Variants in IBTK observed in about 807,000 individuals in gnomAD.
The protein encoded by IBTK is inhibitor of Bruton tyrosine kinase.
Under a neutral mutation model 154.9 loss-of-function variants are expected in IBTK, and 83 were observed. The observed-to-expected ratio is 0.54, with a 90% CI of 0.45 to 0.64. The LOEUF is 0.64. Among genes scored for constraint, IBTK ranks in the 30% least tolerant of loss-of-function variants. The probability of loss-of-function intolerance (pLI) is 0.00; values close to 1 mark genes in which losing one functional copy is unlikely to be tolerated. For synonymous variants in IBTK, 515 were observed against 536.1 expected, an observed-to-expected ratio of 0.96 and a Z score of 0.54; for missense variants, 1,332 against 1,584.6, an observed-to-expected ratio of 0.84 and a Z score of 2.71.
intron 21 of IBTK, among the ~76,000 whole-genome samples, chr6:82,199,733 A>G (rs1419600965): frequency 6.6e-6 from 1 of 152,134 alleles, no homozygotes. Context: ...ATAAAACACA[A>G]ATTCCTTAGT....
At chr6:82,175,897 C>T (rs527434947) in intron 26 of IBTK, among the ~76,000 whole-genome samples, 2 of 151,856 alleles carry the variant, frequency 1.3e-5, no homozygotes, top group Non-Finnish European at 2.9e-5. Flanking sequence ...GGCTTGGTGG[C>T]GCATACCTGT....
Position 82,214,829 on chromosome 6 carries a change from G to C in IBTK, c.1602C>G (p.Ser534Arg). ...AGGACACAGCTGGAATTTCATAAAG[G>C]CTAGAAAGAAGACAAAAACAAATTA... ...FAILQSDPKT[S>R]LYEIPAVSSS... Residue 534 changes from serine (S) to arginine (R), a missense_variant and splice_region_variant, in exon 12 of 29, where the codon AGC (serine) becomes AGG (arginine). Ser to Arg is a moderately radical substitution (Grantham distance 110). This residue lies in a region of IBTK where 1,134 missense variants were observed against 1,274.7 expected (regional missense o/e 0.89). Transcript: ENST00000306270. 4 of 1,544,692 alleles carry C rather than the reference G, an allele frequency of 2.6e-6. No individual in the cohort carries two copies. Among genetic ancestry groups the C allele is most frequent in the Non-Finnish European group, 2.6e-6 (3 of 1,146,376 alleles).
At position 82,196,401 on chromosome 6, in the gene IBTK, T is replaced by C; in HGVS notation, c.3071A>G (p.Glu1024Gly). Residue 1024 changes from glutamate to glycine, a missense_variant, in exon 22 of 29, where the codon GAA (glutamate) becomes GGA (glycine). By Grantham distance (98) the Glu-to-Gly change is moderately conservative. This residue lies in a region of IBTK where 1,134 missense variants were observed against 1,274.7 expected (regional missense o/e 0.89). Coordinates refer to ENST00000306270, the MANE Select transcript of IBTK (RefSeq NM_015525.4). ...GKTNSVESLPELLTSDSEGSY... is the reference protein window; with the variant it reads ...GKTNSVESLPGLLTSDSEGSY... Reference sequence around the variant, plus strand: ...TCCTTCAGAGTCTGATGTCAACAGTTCTGGAAGAGATTCCACAGAATTGGT... The same window carrying C: ...TCCTTCAGAGTCTGATGTCAACAGTCCTGGAAGAGATTCCACAGAATTGGT... 1 of 1,612,638 alleles carries C rather than the reference T, an allele frequency of 6.2e-7. No homozygotes were observed. Among genetic ancestry groups the C allele is most frequent in the Non-Finnish European group, 8.5e-7 (1 of 1,179,184 alleles).
chr6:82,218,507 A>T (rs1396212228), intron 9 of IBTK, among the ~76,000 whole-genome samples: 3 of 152,238 alleles, frequency 2.0e-5, no homozygotes, highest in African/African-American at 7.2e-5. Flanking sequence ...CTATCTCTTT[A>T]CAAGAAGAAT....
intron 8 of IBTK, among the ~76,000 whole-genome samples, chr6:82,221,855 C>A (rs1770112901): frequency 6.6e-6 from 1 of 151,984 alleles, no homozygotes; most frequent in South Asian, 2.1e-4. Flanking sequence ...TAAAATATAA[C>A]CTAAAATTGA....
chr6:82,180,602 G>A (rs1176917731), intron 26 of IBTK, among the ~76,000 whole-genome samples: 1 of 152,142 alleles, frequency 6.6e-6, no homozygotes, highest in Non-Finnish European at 1.5e-5. Flanking sequence ...TATTAGACAA[G>A]TTAGGGAGAT....
At position 82,223,582 on chromosome 6, in the gene IBTK, C is replaced by G; in HGVS notation, c.982G>C (p.Ala328Pro). ...TGAAGGGCAGAGACCTGACGAGGAG[C>G]AGTTACACACTTTTCTCCATTGGGA... is the stretch of plus-strand genomic sequence containing the variant. ...LDPNGEKCVTAPRQVSALHHK... is the reference protein window; with the variant it reads ...LDPNGEKCVTPPRQVSALHHK... The change falls in exon 8 of 29, where the codon GCT (alanine) becomes CCT (proline). Residue 328 changes from alanine (A) to proline (P), a missense_variant. Around this residue, in one of 3 missense-constraint regions of IBTK, gnomAD observed 1,134 missense variants for 1,274.7 expected, o/e 0.89. Coordinates refer to ENST00000306270, the MANE Select transcript of IBTK (RefSeq NM_015525.4). 6.2e-7 allele frequency: 1 copy of G among 1,613,418 alleles called. No homozygotes were observed. Among genetic ancestry groups the G allele is most frequent in the Non-Finnish European group, 8.5e-7 (1 of 1,179,806 alleles).
Position 82,194,646 on chromosome 6 carries a change from G to T in IBTK, c.3175-4C>A. 2 of 1,556,674 alleles carry T rather than the reference G, an allele frequency of 1.3e-6. No individual in the cohort carries two copies. The highest frequency in any genetic ancestry group is 1.7e-6 in the Non-Finnish European group (2 of 1,155,806). Reference sequence around the variant, plus strand: ...TAACATACGGTTTGACTTTCGCCTGGGGAGAGAAAAAAAATAAAAAAAGTT... The same window carrying T: ...TAACATACGGTTTGACTTTCGCCTGTGGAGAGAAAAAAAATAAAAAAAGTT... On this transcript the variant is annotated splice_polypyrimidine_tract_variant and splice_region_variant and intron_variant, in intron 22 of 28. Transcript: ENST00000306270.
At chr6:82,181,326 C>T (rs188217354) in intron 26 of IBTK, among the ~76,000 whole-genome samples, 143 of 152,272 alleles carry the variant, frequency 9.4e-4, no homozygotes, top group African/African-American at 2.7e-3. Flanking sequence ...ATGTGGTATA[C>T]CCATACAATG....
intron 8 of IBTK, among the ~76,000 whole-genome samples, chr6:82,222,983 T>C (rs189015634): frequency 1.3e-5 from 2 of 152,030 alleles, no homozygotes; most frequent in Non-Finnish European, 2.9e-5. Context: ...CATTCTATAA[T>C]AACATGTTTT....
At chr6:82,203,196 T>A (rs1448383911) in intron 17 of IBTK, among the ~76,000 whole-genome samples, 1 of 152,138 alleles carries the variant, frequency 6.6e-6, no homozygotes, top group Non-Finnish European at 1.5e-5. Context: ...TATCATAATA[T>A]TCTTCACACC....
chr6:82,202,588 T>G lies in IBTK; in HGVS notation c.2669A>C (p.Gln890Pro). 6.2e-7 allele frequency: 1 copy of G among 1,611,510 alleles called. No individual in the cohort carries two copies. Reference protein sequence around the residue: ...LEFAAMYSAKQLKLSCLQFIG... With the variant: ...LEFAAMYSAKPLKLSCLQFIG... ...AAACTGTAAACAAGACAGTTTCAAC[T>G]GTTTTGCACTATACATTGCTGCAAA... Residue 890 changes from glutamine to proline, a missense_variant, in exon 18 of 29, where the codon CAG becomes CCG. By Grantham distance (76) the Gln-to-Pro change is moderately conservative. This residue lies in a region of IBTK where 1,134 missense variants were observed against 1,274.7 expected (regional missense o/e 0.89). Transcript: ENST00000306270.
intron 11 of IBTK, 28 bp from the exon 12 acceptor site, chr6:82,214,857 C>G (rs754468674): frequency 2.0e-6 from 3 of 1,517,926 alleles, no homozygotes; most frequent in Non-Finnish European, 2.6e-6. Context: ...ACAAATTATG[C>G]TTCAAAAAAT....
intron 23 of IBTK, among the ~76,000 whole-genome samples, chr6:82,193,897 G>C (rs1252306877): frequency 6.6e-6 from 1 of 152,014 alleles, no homozygotes. Flanking sequence ...GCCCAGGCTA[G>C]TGTCGAACTC....
Position 82,214,829 on chromosome 6 carries a change from G to A in IBTK, c.1602C>T (p.Ser534=). 1 of 1,544,692 alleles carries A rather than the reference G, an allele frequency of 6.5e-7. No homozygotes were observed. Among genetic ancestry groups the A allele is most frequent in the Non-Finnish European group, 8.7e-7 (1 of 1,146,376 alleles). ...FAILQSDPKT[S]LYEIPAVSSS... ...AGGACACAGCTGGAATTTCATAAAG[G>A]CTAGAAAGAAGACAAAAACAAATTA... The change falls in exon 12 of 29, where the codon AGC becomes AGT. Residue 534 remains serine (S), a splice_region_variant and synonymous_variant. Coordinates refer to ENST00000306270, the MANE Select transcript of IBTK (RefSeq NM_015525.4).
intron 16 of IBTK, among the ~76,000 whole-genome samples, chr6:82,207,463 G>A (rs557164878): frequency 9.8e-4 from 149 of 152,134 alleles, no homozygotes; most frequent in Non-Finnish European, 1.3e-3. Flanking sequence ...AAAGACAGCT[G>A]GTGTTAATGG....
chr6:82,214,842 C>CA lies in IBTK; in HGVS notation c.1602-14dup, dbSNP rs1305476772. 3 of 1,527,480 alleles carry CA rather than the reference C, an allele frequency of 2.0e-6. No individual in the cohort carries two copies. Among genetic ancestry groups the CA allele is most frequent in the Non-Finnish European group, 2.6e-6 (3 of 1,137,658 alleles). The allele number at this position is 1,527,480 out of a possible 1,614,324, so 94.6% of individuals were successfully genotyped here. Reference sequence around the variant, plus strand: ...AATTTCATAAAGGCTAGAAAGAAGACAAAAACAAATTATGCTTCAAAAAAT... The same window carrying CA: ...AATTTCATAAAGGCTAGAAAGAAGACAAAAAACAAATTATGCTTCAAAAAAT... On this transcript the variant is annotated splice_polypyrimidine_tract_variant and intron_variant, in intron 11 of 28. Transcript: ENST00000306270.
chr6:82,191,717 C>T (rs1217793811), intron 24 of IBTK, 70 bp downstream of exon 24: 1 of 920,920 alleles, frequency 1.1e-6, no homozygotes, highest in Non-Finnish European at 1.8e-6. Flanking sequence ...AAGAAAGATG[C>T]AGTAAGTCTG....
chr6:82,181,890 T>C lies in IBTK; in HGVS notation c.3714A>G (p.Pro1238=), dbSNP rs143257511. 2,201 of 1,578,646 alleles carry C rather than the reference T, an allele frequency of 1.4e-3. 7 individuals carry two copies. The highest frequency in any genetic ancestry group is 1.7e-3 in the Non-Finnish European group (1,993 of 1,169,742). The stretch of plus-strand genomic sequence containing the variant: ...GTTTGTTTTATTACCTGACAATTTT[T>C]GGTGCCTGAGAATTTTCAATTCCTT... ...SFKGIENSQA[P]KIVRCSTHGT... Residue 1238 remains proline, a synonymous_variant, in exon 26 of 29, where the codon CCA becomes CCG. Transcript: ENST00000306270.
Sources: allele counts gnomAD v4.1 joint callset (sites outside exome capture counted in the v4.1 genomes callset), GRCh38; gene constraint gnomAD v4.1.1; regional missense constraint gnomAD v4.1.1; transcripts MANE v1.5; gene names NCBI Gene and HGNC (gene_info 2026-07-23, HGNC 2026-07-21).